KRT33B: variants seen among roughly 807,000 people sequenced by gnomAD.
KRT33B encodes the protein keratin, type I cuticular Ha3-II.
Under a neutral mutation model 42.7 loss-of-function variants are expected in KRT33B, and 37 were observed. That is an observed-to-expected ratio of 0.87 (90% CI 0.67 to 1.14). The LOEUF (loss-of-function observed/expected upper bound fraction) is 1.14. Ranked by LOEUF, KRT33B falls within the 50% of genes most tolerant of loss-of-function variation. KRT33B has a pLI of 0.00. For synonymous variants in KRT33B, 237 were observed against 221.2 expected, an observed-to-expected ratio of 1.07 and a Z score of -0.63; for missense variants, 523 against 515.1, an observed-to-expected ratio of 1.02 and a Z score of -0.15.
intron 3 of KRT33B, 141 bp downstream of exon 3, chr17:41,366,329 C>T (rs2017699959): frequency 2.1e-6 from 2 of 950,920 alleles, no homozygotes; most frequent in Admixed American, 2.9e-5. Flanking sequence ...ACTCATTCCC[C>T]AACAAGCCCC....
At chr17:41,366,410 T>A in intron 3 of KRT33B, 60 bp downstream of exon 3, 1 of 1,590,470 alleles carries the variant, frequency 6.3e-7, no homozygotes, top group Non-Finnish European at 8.6e-7. Flanking sequence ...TCCTACCTTA[T>A]CCTATTCAGG....
At chr17:41,364,256 T>A (rs1007819508) in intron 6 of KRT33B, among the ~76,000 whole-genome samples, 1 of 151,246 alleles carries the variant, frequency 6.6e-6, no homozygotes, top group Non-Finnish European at 1.5e-5. Context: ...CACAGGATTA[T>A]GAAAATTCCA....
Position 41,369,442 on chromosome 17 carries a change from G to T in KRT33B, c.309C>A (p.Tyr103Ter), listed in dbSNP as rs868602231. ...CCTCAATGGTCTTGAAGTAGGACTG[G>T]TAGCTGGGGCACAGCAAGGGCTCCT... ...QQQEPLLCPS[Y>*]QSYFKTIEEL... Residue 103 changes from tyrosine (Y) to a stop codon, truncating the protein, a stop_gained, in exon 1 of 7, where the codon TAC (tyrosine) becomes TAA (stop). Coordinates refer to ENST00000251646, the MANE Select transcript of KRT33B (RefSeq NM_002279.5). LOFTEE classifies it high-confidence loss of function. 1.9e-6 allele frequency: 3 copies of T among 1,613,412 alleles called. No homozygotes were observed. The highest frequency in any genetic ancestry group is 8.5e-7 in the Non-Finnish European group (1 of 1,180,050).
In KRT33B at chr17:41,369,779, G is replaced by A. The variant is rs751369346; in HGVS notation, c.-29C>T. The A allele has an allele frequency of 2.5e-6, 4 of 1,596,984 alleles. No homozygotes were observed. The Admixed American group carries it at 5.2e-5, about 21-fold the overall frequency. On this transcript the variant is annotated 5_prime_UTR_variant, in exon 1 of 7. Transcript: ENST00000251646. ...GCAGGGAGGCAGTGGAGCTCTGGAAGTCAGTTTCAAAACCTGATTCCTTTT... is the reference window on the plus strand; with the variant it reads ...GCAGGGAGGCAGTGGAGCTCTGGAAATCAGTTTCAAAACCTGATTCCTTTT...
In KRT33B at chr17:41,369,741, T is replaced by C; in HGVS notation, c.10A>G (p.Asn4Asp). The change falls in exon 1 of 7, where the codon AAC (asparagine) becomes GAC (aspartate). Residue 4 changes from asparagine to aspartate, a missense_variant. Coordinates refer to ENST00000251646, the MANE Select transcript of KRT33B (RefSeq NM_002279.5). Reference protein sequence around the residue: MPYNFCLPSLSCRT... With the variant: MPYDFCLPSLSCRT... ...CAGCTCAGGCTGGGCAGGCAGAAGT[T>C]GTAGGGCATGGTGCAGGGAGGCAGT... is the stretch of plus-strand genomic sequence containing the variant. 6.2e-7 allele frequency: 1 copy of C among 1,613,488 alleles called. No homozygotes were observed. Among genetic ancestry groups the C allele is most frequent in the Non-Finnish European group, 8.5e-7 (1 of 1,179,664 alleles).
intron 2 of KRT33B, 56 bp from the exon 3 acceptor site, chr17:41,366,682 C>T (rs564050419): frequency 1.3e-4 from 198 of 1,507,818 alleles, no homozygotes; most frequent in Non-Finnish European, 1.6e-4. Flanking sequence ...CTTTGTTTCC[C>T]GGCCTTTACT....
At chr17:41,366,665 A>G (rs776933932) in intron 2 of KRT33B, 39 bp from the exon 3 acceptor site, 1 of 1,536,310 alleles carries the variant, frequency 6.5e-7, no homozygotes, top group Non-Finnish European at 8.7e-7. Flanking sequence ...GTCCAAAAAA[A>G]AAAAGTCTTT....
In KRT33B at chr17:41,367,595, G is replaced by A. The variant is rs189525217; in HGVS notation, c.431+313C>T. Among the ~76,000 whole-genome samples the A allele has an allele frequency of 2.4e-3, 363 of 151,220 alleles. 13 individuals are homozygous for A. Among genetic ancestry groups the A allele is most frequent in the Admixed American group, 0.021 (314 of 15,240 alleles). Reference sequence around the variant, plus strand: ...GGCGCATGCCTGTAATCCCAGCTACGAGGAAGGCTGAGGCAGGAAAATCAC... The same window carrying A: ...GGCGCATGCCTGTAATCCCAGCTACAAGGAAGGCTGAGGCAGGAAAATCAC... On this transcript the variant is annotated intron_variant, in intron 2 of 6. Coordinates refer to ENST00000251646, the MANE Select transcript of KRT33B (RefSeq NM_002279.5).
intron 2 of KRT33B, among the ~76,000 whole-genome samples, chr17:41,367,047 T>C (rs1410101894): frequency 1.3e-5 from 2 of 151,396 alleles, no homozygotes; most frequent in East Asian, 3.8e-4. Flanking sequence ...TCTCATTAAA[T>C]GACTGTAGAT....
Position 41,368,635 on chromosome 17 carries a change from T to C in KRT33B, c.349-645A>G, listed in dbSNP as rs138251160. ...GTGCCTAACACTCTCCAACTCTGGG[T>C]AAATAAATGAATGATATTCAAATAG... is the stretch of plus-strand genomic sequence containing the variant. On this transcript the variant is annotated intron_variant, in intron 1 of 6. Transcript: ENST00000251646. Among the ~76,000 whole-genome samples, 21 of 151,346 alleles carry C rather than the reference T, an allele frequency of 1.4e-4. No individual in the cohort carries two copies. The East Asian group carries it at 4.0e-3, about 29-fold the overall frequency.
chr17:41,368,505 C>T (rs2017730546), intron 1 of KRT33B, among the ~76,000 whole-genome samples: 1 of 151,290 alleles, frequency 6.6e-6, no homozygotes, highest in African/African-American at 2.5e-5. Flanking sequence ...TTCTTATGAC[C>T]TTTGTGTGAT....
chr17:41,364,269 A>G (rs2017665085), intron 6 of KRT33B, among the ~76,000 whole-genome samples: 1 of 151,112 alleles, frequency 6.6e-6, no homozygotes, highest in African/African-American at 2.5e-5. Flanking sequence ...AAATTCCACA[A>G]GACTGTGTTC....
At position 41,363,876 on chromosome 17, in the gene KRT33B, G is replaced by A. The variant is rs768150057; in HGVS notation, c.1175C>T (p.Pro392Leu). 1.9e-6 allele frequency: 3 copies of A among 1,611,436 alleles called. No individual in the cohort carries two copies. The African/African-American group carries it at 4.1e-5, about 22-fold the overall frequency. ...GTTGCAAGGCCCACAGCGGGAACGA[G>A]GACCACAAGGATTGGTGACACAGGA... Reference protein sequence around the residue: ...IGSCVTNPCGPRSRCGPCNTF... With the variant: ...IGSCVTNPCGLRSRCGPCNTF... Residue 392 changes from proline (P) to leucine (L), a missense_variant, in exon 7 of 7, where the codon CCT becomes CTT. Transcript: ENST00000251646.
In KRT33B at chr17:41,363,702, G is replaced by T. The variant is rs1031311810; in HGVS notation, c.*134C>A. Reference sequence around the variant, plus strand: ...AGTCAGACCCAAACGCTGGGCATTTGTTCTCCTTCCAGACCATGATTTGTG... The same window carrying T: ...AGTCAGACCCAAACGCTGGGCATTTTTTCTCCTTCCAGACCATGATTTGTG... On this transcript the variant is annotated 3_prime_UTR_variant, in exon 7 of 7. Transcript: ENST00000251646. The T allele has an allele frequency of 3.5e-5, 22 of 634,102 alleles. No homozygotes were observed. Among genetic ancestry groups the T allele is most frequent in the Non-Finnish European group, 5.1e-5 (18 of 355,024 alleles). 39.3% of individuals were successfully genotyped at this position (634,102 alleles called of 1,614,324 possible).
intron 4 of KRT33B, 29 bp from the exon 5 acceptor site, chr17:41,365,329 G>A (rs1182359730): frequency 6.8e-6 from 11 of 1,611,688 alleles, no homozygotes; most frequent in Non-Finnish European, 9.3e-6. Context: ...GAAAGGATCA[G>A]ACCCTGCCTC....
chr17:41,367,927 C>T lies in KRT33B; in HGVS notation c.412G>A (p.Ala138Thr). The change falls in exon 2 of 7, where the codon GCA becomes ACA. Residue 138 changes from alanine to threonine, a missense_variant. Ala to Thr is a moderately conservative substitution (Grantham distance 58). Transcript: ENST00000251646. ...TCTTACTTGGTTCTGAAGTCATCTG[C>T]AGCCAGCTTGGCATTGTCGATCTGC... ...VVQIDNAKLA[A>T]DDFRTKYQTE... The T allele has an allele frequency of 6.2e-7, 1 of 1,612,996 alleles. No homozygotes were observed. The highest frequency in any genetic ancestry group is 8.5e-7 in the Non-Finnish European group (1 of 1,180,024).
At position 41,365,381 on chromosome 17, in the gene KRT33B, T is replaced by G. The variant is rs1470713493; in HGVS notation, c.750+11A>C. ...CTCGGGTCCTGAGTGGCCACGTGCT[T>G]AGATGCCCACCTGCGTGGCGAACCA... On this transcript the variant is annotated intron_variant, in intron 4 of 6. Transcript: ENST00000251646. The G allele has an allele frequency of 5.0e-6, 8 of 1,609,660 alleles. No homozygotes were observed. Among genetic ancestry groups the G allele is most frequent in the South Asian group, 1.1e-5 (1 of 90,970 alleles).
In KRT33B at chr17:41,365,248, T is replaced by C. The variant is rs776320928; in HGVS notation, c.803A>G (p.Tyr268Cys). 3.1e-6 allele frequency: 5 copies of C among 1,611,792 alleles called. No homozygotes were observed. The highest frequency in any genetic ancestry group is 1.4e-5 in the African/African-American group (1 of 73,726). Residue 268 changes from tyrosine (Y) to cysteine (C), a missense_variant, in exon 5 of 7, where the codon TAC becomes TGC. Transcript: ENST00000251646. ...VVSSSEQLQS[Y>C]QAEIIELRRT... Reference sequence around the variant, plus strand: ...TCTCAGCTCGATGATCTCCGCCTGGTAGGACTGCAGCTGCTCCGAGCTGGA... The same window carrying C: ...TCTCAGCTCGATGATCTCCGCCTGGCAGGACTGCAGCTGCTCCGAGCTGGA...
In KRT33B at chr17:41,369,448, G is replaced by C. The variant is rs746529350; in HGVS notation, c.303C>G (p.Pro101=). The C allele has an allele frequency of 6.2e-7, 1 of 1,613,390 alleles. No individual in the cohort carries two copies. Among genetic ancestry groups the C allele is most frequent in the South Asian group, 1.1e-5 (1 of 91,086 alleles). ...RSQQQEPLLC[P]SYQSYFKTIE... is the part of the protein sequence containing the mutation. Reference sequence around the variant, plus strand: ...TGGTCTTGAAGTAGGACTGGTAGCTGGGGCACAGCAAGGGCTCCTGCTGCT... The same window carrying C: ...TGGTCTTGAAGTAGGACTGGTAGCTCGGGCACAGCAAGGGCTCCTGCTGCT... The change falls in exon 1 of 7, where the codon CCC becomes CCG. Residue 101 remains proline, a synonymous_variant. Coordinates refer to ENST00000251646, the MANE Select transcript of KRT33B (RefSeq NM_002279.5).
Sources: gnomAD v4.1 joint callset for allele counts (sites outside exome capture counted in the v4.1 genomes callset) on GRCh38, gnomAD v4.1.1 for gene constraint, MANE v1.5 for transcripts, NCBI Gene and HGNC (gene_info 2026-07-23, HGNC 2026-07-21) for gene names.